Variants in FLI1 observed in about 807,000 individuals in gnomAD.
FLI1 encodes Friend leukemia integration 1 transcription factor.
FLI1 carries 13 observed loss-of-function variants against 53.1 expected under a neutral mutation model. That is an observed-to-expected ratio of 0.24 (90% CI 0.16 to 0.39). The LOEUF (loss-of-function observed/expected upper bound fraction) is 0.39. Ranked by LOEUF, FLI1 falls within the 10% of genes least tolerant of loss-of-function variation. The pLI is 1.00. For synonymous variants in FLI1, 244 were observed against 236.7 expected (o/e 1.03, Z -0.28); for missense variants, 424 against 600.5 (o/e 0.71, Z 3.07).
At chr11:128,782,987 G>GA (rs935291997) in intron 5 of FLI1, among the ~76,000 whole-genome samples, 6 of 152,156 alleles carry the variant, frequency 3.9e-5, no homozygotes, top group Non-Finnish European at 8.8e-5. Flanking sequence ...AGAGAGACTG[G>GA]AAAAAATATT....
intron 1 of FLI1, among the ~76,000 whole-genome samples, chr11:128,709,778 A>G (rs566837583): frequency 6.6e-6 from 1 of 152,288 alleles, no homozygotes; most frequent in East Asian, 1.9e-4. Flanking sequence ...CCACCCATAC[A>G]TCTACGCCAC....
Position 128,687,049 on chromosome 11 carries a change from C to A in FLI1, c.-203+348C>A, listed in dbSNP as rs149803327. 2.5e-3 allele frequency: 395 copies of A among 155,532 alleles called. 1 individual carries two copies. The highest frequency in any genetic ancestry group is 4.1e-3 in the Non-Finnish European group (286 of 69,990). The allele number at this position is 155,532 out of a possible 1,614,324, so 9.6% of individuals were successfully genotyped here. A position where few individuals can be genotyped will look rare whatever the true frequency, so the allele number is the denominator to read the frequency against. Reference sequence around the variant, plus strand: ...CACAGCGTGTTCCCTGCATTAAGCGCGTGCGCGCGCTTGTGTGTGAGCGCG... The same window carrying A: ...CACAGCGTGTTCCCTGCATTAAGCGAGTGCGCGCGCTTGTGTGTGAGCGCG... On this transcript the variant is annotated intron_variant, in intron 1 of 6. Coordinates refer to the FLI1 transcript ENST00000344954.
At chr11:128,688,265 A>T (rs1937616489) in intron 1 of FLI1, among the ~76,000 whole-genome samples, 1 of 152,208 alleles carries the variant, frequency 6.6e-6, no homozygotes, top group African/African-American at 2.4e-5. Flanking sequence ...GGTCAGGGAC[A>T]AAGCGGAGGC....
At position 128,812,601 on chromosome 11, in the gene FLI1, T is replaced by C. The variant is rs1352142684; in HGVS notation, c.*1613T>C. On this transcript the variant is annotated 3_prime_UTR_variant, in exon 9 of 9. Coordinates refer to ENST00000527786, the MANE Select transcript of FLI1 (RefSeq NM_002017.5). ...ATGATGTTTGTAGTGTTTTTGTGTG[T>C]GTTATTTAAATCTTCCTCCAGCCTA... 3 of 223,770 alleles carry C rather than the reference T, an allele frequency of 1.3e-5. No individual in the cohort carries two copies. The highest frequency in any genetic ancestry group is 6.7e-5 in the African/African-American group (3 of 44,922). 13.9% of individuals were successfully genotyped at this position (223,770 alleles called of 1,614,324 possible).
chr11:128,687,093 C>T (rs1171246639), intron 1 of FLI1, among the ~76,000 whole-genome samples: 1 of 152,238 alleles, frequency 6.6e-6, no homozygotes. Context: ...TGTGTGCATG[C>T]GTGCGCCTGT....
intron 1 of FLI1, among the ~76,000 whole-genome samples, chr11:128,698,733 T>TGTGTGTGTGAGA (rs766077047): frequency 0.013 from 1,709 of 133,744 alleles, 30 homozygotes; most frequent in Admixed American, 0.043. Context: ...TGTGTGTGTG[T>TGTGTGTGTGAGA]GAGAGAGAGA....
intron 1 of FLI1, among the ~76,000 whole-genome samples, chr11:128,756,004 G>C (rs1381394787): frequency 1.3e-5 from 2 of 152,218 alleles, no homozygotes; most frequent in East Asian, 3.8e-4. Flanking sequence ...CCATGGAGCA[G>C]GTTGTAATTC....
At chr11:128,798,061 G>A (rs1942496055) in intron 5 of FLI1, among the ~76,000 whole-genome samples, 1 of 152,110 alleles carries the variant, frequency 6.6e-6, no homozygotes, top group Non-Finnish European at 1.5e-5. Context: ...CAGGGCAGAG[G>A]GCGTTGCGTA....
chr11:128,732,251 C>T (rs79188952), intron 1 of FLI1, among the ~76,000 whole-genome samples: 6,009 of 152,262 alleles, frequency 0.039, 290 homozygotes, highest in East Asian at 0.26. Flanking sequence ...CAGCTATCTT[C>T]CCCCCTTCTC....
chr11:128,743,799 A>T (rs1318572287), intron 1 of FLI1, among the ~76,000 whole-genome samples: 1 of 152,198 alleles, frequency 6.6e-6, no homozygotes, highest in Non-Finnish European at 1.5e-5. Flanking sequence ...GACAAAGAAA[A>T]CATCTCCAGG....
At chr11:128,780,555 A>T (rs562585522) in intron 4 of FLI1, among the ~76,000 whole-genome samples, 1 of 152,360 alleles carries the variant, frequency 6.6e-6, no homozygotes, top group East Asian at 1.9e-4. Flanking sequence ...AGATCGCGCC[A>T]TTGCACTCCA....
chr11:128,697,791 G>A (rs559956151), intron 1 of FLI1, among the ~76,000 whole-genome samples: 3 of 152,290 alleles, frequency 2.0e-5, no homozygotes, highest in African/African-American at 7.2e-5. Flanking sequence ...CATCTATTAT[G>A]TTGCAAGGCT....
intron 4 of FLI1, among the ~76,000 whole-genome samples, chr11:128,777,959 C>T (rs2135855684): frequency 6.6e-6 from 1 of 152,334 alleles, no homozygotes; most frequent in African/African-American, 2.4e-5. Context: ...TGCTCACTCC[C>T]CTCTCCTTTC....
chr11:128,778,677 G>A (rs1272976225), intron 4 of FLI1, among the ~76,000 whole-genome samples: 1 of 152,174 alleles, frequency 6.6e-6, no homozygotes. Context: ...GCATGTTCAG[G>A]GAGCACTGCG....
intron 2 of FLI1, among the ~76,000 whole-genome samples, chr11:128,760,485 C>T (rs1189638731): frequency 6.8e-6 from 1 of 147,292 alleles, no homozygotes; most frequent in Non-Finnish European, 1.5e-5. Flanking sequence ...GCTCCCAATG[C>T]TTGTTGAAGA....
intron 4 of FLI1, among the ~76,000 whole-genome samples, 196 bp downstream of exon 4, chr11:128,773,181 A>T (rs1175875671): frequency 6.6e-6 from 1 of 152,188 alleles, no homozygotes; most frequent in African/African-American, 2.4e-5. Context: ...TGTCAAAGGA[A>T]GTAAGACGAG....
rs896879192 is a variant in FLI1, at chr11:128,726,526, C to T, written c.19-31589C>T. Among the ~76,000 whole-genome samples, 32 of 149,204 alleles carry T rather than the reference C, an allele frequency of 2.1e-4. No homozygotes were observed. The East Asian group carries it at 5.0e-3, about 23-fold the overall frequency. On this transcript the variant is annotated intron_variant, in intron 1 of 8. Coordinates refer to ENST00000527786, the MANE Select transcript of FLI1 (RefSeq NM_002017.5). ...CTAACCAGCCTGGCTATTTCTCCTGCCACCCTCCCACCCCCCTACCCCCAC... is the reference window on the plus strand; with the variant it reads ...CTAACCAGCCTGGCTATTTCTCCTGTCACCCTCCCACCCCCCTACCCCCAC...
intron 5 of FLI1, among the ~76,000 whole-genome samples, chr11:128,787,034 C>T (rs748392133): frequency 6.6e-6 from 1 of 152,182 alleles, no homozygotes; most frequent in Non-Finnish European, 1.5e-5. Flanking sequence ...AAAAGTCTGT[C>T]GGCTTGCATG....
intron 1 of FLI1, among the ~76,000 whole-genome samples, chr11:128,722,668 G>A (rs1181596594): frequency 1.3e-5 from 2 of 152,214 alleles, no homozygotes; most frequent in Non-Finnish European, 2.9e-5. Context: ...AAAAATGACA[G>A]TCCTTGAGAT....
Sources: allele counts gnomAD v4.1 joint callset (sites outside exome capture counted in the v4.1 genomes callset), GRCh38; gene constraint gnomAD v4.1.1; transcripts MANE v1.5; gene names NCBI Gene and HGNC (gene_info 2026-07-23, HGNC 2026-07-21).